NREP: variants seen among roughly 807,000 people sequenced by gnomAD.
NREP encodes neuronal regeneration related protein, also known as neuronal regeneration-related protein.
In NREP, 5 loss-of-function variants were observed where a neutral mutation model predicts 8.6. The ratio of observed to expected loss-of-function variants is 0.58; its 90% confidence interval spans 0.30 to 1.22. The LOEUF (loss-of-function observed/expected upper bound fraction) is 1.22. Ranked by LOEUF, NREP falls within the 50% of genes most tolerant of loss-of-function variation. NREP has a pLI of 0.07. For missense variants in NREP, 86 were observed against 82.5 expected (o/e 1.04, Z -0.17); for synonymous variants, 27 against 28.0 (o/e 0.96, Z 0.11).
At chr5:111,911,283 T>C (rs1485294390) in intron 2 of NREP, among the ~76,000 whole-genome samples, 1 of 152,114 alleles carries the variant, frequency 6.6e-6, no homozygotes. Flanking sequence ...GTCTGACACA[T>C]AGTAGCTACT....
chr5:111,748,032 C>T (rs548930900), intron 2 of NREP, among the ~76,000 whole-genome samples: 3 of 152,274 alleles, frequency 2.0e-5, no homozygotes, highest in East Asian at 3.9e-4. Context: ...TGGAAAAGCA[C>T]CATTAATACC....
At chr5:111,879,226 C>T (rs956806191) in intron 2 of NREP, among the ~76,000 whole-genome samples, 4 of 152,134 alleles carry the variant, frequency 2.6e-5, no homozygotes, top group African/African-American at 9.7e-5. Flanking sequence ...TGGGGCCTCA[C>T]CAGAAACCAA....
chr5:111,884,603 G>T (rs908597734), intron 2 of NREP, among the ~76,000 whole-genome samples: 6 of 148,156 alleles, frequency 4.0e-5, no homozygotes, highest in Admixed American at 2.7e-4. Flanking sequence ...GAATCCAGCA[G>T]CACATCAAAA....
At chr5:111,924,397 G>C (rs1051640820) in intron 2 of NREP, among the ~76,000 whole-genome samples, 1 of 152,014 alleles carries the variant, frequency 6.6e-6, no homozygotes, top group Non-Finnish European at 1.5e-5. Flanking sequence ...TAACTGGGCA[G>C]TCTGGCCAGA....
chr5:111,791,015 C>A lies in NREP; in HGVS notation c.136-55508G>T, dbSNP rs192188174. Among the ~76,000 whole-genome samples, 225 of 152,214 alleles carry A rather than the reference C, an allele frequency of 1.5e-3. 1 individual carries two copies. Among genetic ancestry groups the A allele is most frequent in the Non-Finnish European group, 4.4e-4 (30 of 68,010 alleles). On this transcript the variant is annotated intron_variant, in intron 2 of 3. Transcript: ENST00000395634. Reference sequence around the variant, plus strand: ...ATGTGCAGGGTGGGAGAGGGTCCTGCAACCAATCCCCGAGTATACTGAAAG... The same window carrying A: ...ATGTGCAGGGTGGGAGAGGGTCCTGAAACCAATCCCCGAGTATACTGAAAG...
intron 2 of NREP, among the ~76,000 whole-genome samples, chr5:111,841,803 AGAG>A (rs1753037322): frequency 6.6e-6 from 1 of 152,138 alleles, no homozygotes; most frequent in Non-Finnish European, 1.5e-5. Context: ...TAAGCAGAGT[AGAG>A]ATAAGAAAAT....
intron 2 of NREP, among the ~76,000 whole-genome samples, chr5:111,798,104 T>C (rs1751913919): frequency 6.6e-6 from 1 of 152,200 alleles, no homozygotes; most frequent in South Asian, 2.1e-4. Context: ...CTTGGATATT[T>C]TGACCTGTTA....
At chr5:111,892,384 G>A (rs536663233) in intron 2 of NREP, among the ~76,000 whole-genome samples, 1 of 152,162 alleles carries the variant, frequency 6.6e-6, no homozygotes, top group East Asian at 1.9e-4. Flanking sequence ...CCATTAAACA[G>A]GAAATGAAAA....
chr5:111,976,289 G>C (rs1756961798), intron 1 of NREP, among the ~76,000 whole-genome samples: 1 of 152,170 alleles, frequency 6.6e-6, no homozygotes, highest in Non-Finnish European at 1.5e-5. Context: ...TGGCATCTCT[G>C]ACATTTTAAG....
intron 2 of NREP, among the ~76,000 whole-genome samples, chr5:111,744,994 G>A (rs557166214): frequency 2.0e-5 from 3 of 152,152 alleles, no homozygotes; most frequent in Non-Finnish European, 4.4e-5. Flanking sequence ...ATAAACAGGA[G>A]TAGTTGGAAC....
At chr5:111,908,692 T>C (rs1169948054) in intron 2 of NREP, among the ~76,000 whole-genome samples, 1 of 152,052 alleles carries the variant, frequency 6.6e-6, no homozygotes, top group African/African-American at 2.4e-5. Flanking sequence ...GGCACCTTGG[T>C]TGACTCCGTG....
At chr5:111,761,985 G>A (rs554658256), upstream of NREP, among the ~76,000 whole-genome samples, 24 of 152,238 alleles carry the variant, frequency 1.6e-4, no homozygotes, top group Admixed American at 6.5e-4. Flanking sequence ...GTAATTTGGC[G>A]GATGGATTTG....
At chr5:111,939,700 T>C (rs1363030760) in intron 2 of NREP, among the ~76,000 whole-genome samples, 1 of 152,068 alleles carries the variant, frequency 6.6e-6, no homozygotes, top group Non-Finnish European at 1.5e-5. Context: ...ATTTGAATTT[T>C]TGTGCTTTTT....
Position 111,822,161 on chromosome 5 carries a change from G to T in NREP, c.136-86654C>A, listed in dbSNP as rs369536920. ...CCATTGAAAACAACTAAAAAAAGTA[G>T]GAAATATGGAAATCAAGTCTTTGAA... is the stretch of plus-strand genomic sequence containing the variant. On this transcript the variant is annotated intron_variant, in intron 2 of 3. Transcript: ENST00000395634. Among the ~76,000 whole-genome samples, 21 of 152,204 alleles carry T rather than the reference G, an allele frequency of 1.4e-4. No homozygotes were observed. The South Asian group carries it at 4.4e-3, about 32-fold the overall frequency.
At chr5:111,773,550 G>A (rs1023358372) in intron 2 of NREP, among the ~76,000 whole-genome samples, 1 of 152,098 alleles carries the variant, frequency 6.6e-6, no homozygotes, top group Non-Finnish European at 1.5e-5. Flanking sequence ...TTGTTGGGGA[G>A]GATTGGAAAT....
At chr5:111,944,687 C>T (rs1172201109) in intron 2 of NREP, among the ~76,000 whole-genome samples, 1 of 152,078 alleles carries the variant, frequency 6.6e-6, no homozygotes, top group East Asian at 1.9e-4. Context: ...TCTCTCTTGA[C>T]TCAATTCTGG....
At chr5:111,771,244 G>A (rs912820234) in intron 2 of NREP, among the ~76,000 whole-genome samples, 1 of 152,128 alleles carries the variant, frequency 6.6e-6, no homozygotes, top group African/African-American at 2.4e-5. Flanking sequence ...AGTATGTAAA[G>A]CACATTCACC....
chr5:111,781,308 G>A (rs538736867), intron 2 of NREP, among the ~76,000 whole-genome samples: 2 of 152,060 alleles, frequency 1.3e-5, no homozygotes, highest in Non-Finnish European at 2.9e-5. Context: ...TTCCTCTCAC[G>A]ATGCCTGCTC....
chr5:111,750,516 T>C (rs1750294613), intron 2 of NREP, among the ~76,000 whole-genome samples: 1 of 152,214 alleles, frequency 6.6e-6, no homozygotes, highest in Non-Finnish European at 1.5e-5. Context: ...TAAAAGTTAG[T>C]GATGGAGATA....
Sources: allele counts gnomAD v4.1 joint callset (sites outside exome capture counted in the v4.1 genomes callset), GRCh38; gene constraint gnomAD v4.1.1; transcripts MANE v1.5; gene names NCBI Gene and HGNC (gene_info 2026-07-23, HGNC 2026-07-21).